The following TLR4 variants were observed in gnomAD, a reference collection of about 807,000 sequenced individuals.
TLR4 encodes the protein toll like receptor 4.
TLR4 carries 17 observed loss-of-function variants against 27.4 expected under a neutral mutation model. The observed-to-expected ratio is 0.62, with a 90% CI of 0.42 to 0.93. TLR4 has a LOEUF of 0.93. Ranked by LOEUF, TLR4 falls within the 40% of genes least tolerant of loss-of-function variation. The probability of loss-of-function intolerance (pLI) is 0.00; values close to 1 mark genes in which losing one functional copy is unlikely to be tolerated. For synonymous variants in TLR4, 363 were observed against 365.7 expected (o/e 0.99, Z 0.08); for missense variants, 926 against 962.3 (o/e 0.96, Z 0.50).
chr9:117,713,367 C>T lies in TLR4; in HGVS notation c.1239C>T (p.Thr413=). The change falls in exon 3 of 3, where the codon ACC becomes ACT. Residue 413 remains threonine, a synonymous_variant. Coordinates refer to ENST00000355622, the MANE Select transcript of TLR4 (RefSeq NM_138554.5). Reference sequence around the variant, plus strand: ...ATCTGAGCTTCAATGGTGTTATTACCATGAGTTCAAACTTCTTGGGCTTAG... The same window carrying T: ...ATCTGAGCTTCAATGGTGTTATTACTATGAGTTCAAACTTCTTGGGCTTAG... ...YLDLSFNGVI[T]MSSNFLGLEQ... is the part of the protein sequence containing the mutation. 4.3e-6 allele frequency: 7 copies of T among 1,614,042 alleles called. No homozygotes were observed. Among genetic ancestry groups the T allele is most frequent in the African/African-American group, 1.3e-5 (1 of 75,038 alleles).
rs1021610446 is a variant in TLR4, at chr9:117,714,589, T to C, written c.2461T>C (p.Trp821Arg). Residue 821 changes from tryptophan to arginine, a missense_variant, in exon 3 of 3, where the codon TGG becomes CGG. By Grantham distance (101) the Trp-to-Arg change is moderately radical (BLOSUM62 -3). Coordinates refer to ENST00000355622, the MANE Select transcript of TLR4 (RefSeq NM_138554.5). ...AAAAGCCCTGCTGGATGGTAAATCA[T>C]GGAATCCAGAAGGAACAGTGGGTAC... ...LRKALLDGKSWNPEGTVGTGC... is the reference protein window; with the variant it reads ...LRKALLDGKSRNPEGTVGTGC... 6.2e-7 allele frequency: 1 copy of C among 1,613,556 alleles called. No individual in the cohort carries two copies. Among genetic ancestry groups the C allele is most frequent in the African/African-American group, 1.3e-5 (1 of 74,886 alleles).
chr9:117,713,600 T>G lies in TLR4; in HGVS notation c.1472T>G (p.Ile491Ser). 6.2e-7 allele frequency: 1 copy of G among 1,614,090 alleles called. No individual in the cohort carries two copies. The highest frequency in any genetic ancestry group is 8.5e-7 in the Non-Finnish European group (1 of 1,180,014). The change falls in exon 3 of 3, where the codon ATC (isoleucine) becomes AGC (serine). Residue 491 changes from isoleucine to serine, a missense_variant. By Grantham distance (142) the Ile-to-Ser change is moderately radical. Transcript: ENST00000355622. ...NSFQENFLPD[I>S]FTELRNLTFL... is the part of the protein sequence containing the mutation. The stretch of plus-strand genomic sequence containing the variant: ...TTCCAGGAAAACTTCCTTCCAGATA[T>G]CTTCACAGAGCTGAGAAACTTGACC...
In TLR4 at chr9:117,712,536, A is replaced by G. The variant is rs1265700458; in HGVS notation, c.408A>G (p.Thr136=). 6.2e-7 allele frequency: 1 copy of G among 1,614,016 alleles called. No homozygotes were observed. The highest frequency in any genetic ancestry group is 1.1e-5 in the South Asian group (1 of 91,088). Residue 136 remains threonine, a synonymous_variant, in exon 3 of 3, where the codon ACA becomes ACG. Transcript: ENST00000355622. ...SSLQKLVAVE[T]NLASLENFPI... ...TACAGAAGCTGGTGGCTGTGGAGAC[A>G]AATCTAGCATCTCTAGAGAACTTCC...
In TLR4 at chr9:117,708,715, G is replaced by C. The variant is rs78293159; in HGVS notation, c.246G>C (p.Val82=). The C allele has an allele frequency of 6.8e-6, 11 of 1,613,834 alleles. No individual in the cohort carries two copies. The East Asian group carries it at 2.5e-4, about 36-fold the overall frequency. The change falls in exon 2 of 3, where the codon GTG becomes GTC. Residue 82 remains valine, a synonymous_variant. Coordinates refer to ENST00000355622, the MANE Select transcript of TLR4 (RefSeq NM_138554.5). The part of the protein sequence containing the change: ...YSFFSFPELQ[V]LDLSRCEIQT... ...TCTTCAGTTTCCCAGAACTGCAGGT[G>C]CTGGATTTATCCAGGTAATGAATCC... is the stretch of plus-strand genomic sequence containing the variant.
At chr9:117,706,655 A>G (rs1320417412) in intron 1 of TLR4, among the ~76,000 whole-genome samples, 1 of 152,164 alleles carries the variant, frequency 6.6e-6, no homozygotes, top group Non-Finnish European at 1.5e-5. Flanking sequence ...TCCTTAGGAC[A>G]TGTTTTTCTT....
chr9:117,714,090 C>A lies in TLR4; in HGVS notation c.1962C>A (p.Phe654Leu), dbSNP rs531681113. 1 of 1,614,012 alleles carries A rather than the reference C, an allele frequency of 6.2e-7. No individual in the cohort carries two copies. The highest frequency in any genetic ancestry group is 1.1e-5 in the South Asian group (1 of 91,070). The change falls in exon 3 of 3, where the codon TTC becomes TTA. Residue 654 changes from phenylalanine to leucine, a missense_variant. Coordinates refer to ENST00000355622, the MANE Select transcript of TLR4 (RefSeq NM_138554.5). Reference protein sequence around the residue: ...VSVVAVLVYKFYFHLMLLAGC... With the variant: ...VSVVAVLVYKLYFHLMLLAGC... ...TTGTAGCAGTTCTGGTCTATAAGTT[C>A]TATTTTCACCTGATGCTTCTTGCTG...
chr9:117,713,955 T>G lies in TLR4; in HGVS notation c.1827T>G (p.Cys609Trp), dbSNP rs1233324596. Reference protein sequence around the residue: ...QLLVEVERMECATPSDKQGMP... With the variant: ...QLLVEVERMEWATPSDKQGMP... ...TGGTGGAAGTTGAACGAATGGAATG[T>G]GCAACACCTTCAGATAAGCAGGGCA... The change falls in exon 3 of 3, where the codon TGT (cysteine) becomes TGG (tryptophan). Residue 609 changes from cysteine (C) to tryptophan (W), a missense_variant. Transcript: ENST00000355622. 1 of 1,613,956 alleles carries G rather than the reference T, an allele frequency of 6.2e-7. No homozygotes were observed. Among genetic ancestry groups the G allele is most frequent in the Non-Finnish European group, 8.5e-7 (1 of 1,180,014 alleles).
rs775401427 is a variant in TLR4, at chr9:117,708,614, C to T, written c.145C>T (p.Pro49Ser). ...CATGGAGCTGAATTTCTACAAAATCCCCGACAACCTCCCCTTCTCAACCAA... is the reference window on the plus strand; with the variant it reads ...CATGGAGCTGAATTTCTACAAAATCTCCGACAACCTCCCCTTCTCAACCAA... ...QCMELNFYKIPDNLPFSTKNL... is the reference protein window; with the variant it reads ...QCMELNFYKISDNLPFSTKNL... Residue 49 changes from proline (P) to serine (S), a missense_variant, in exon 2 of 3, where the codon CCC (proline) becomes TCC (serine). Pro to Ser is a moderately conservative substitution (Grantham distance 74). Coordinates refer to ENST00000355622, the MANE Select transcript of TLR4 (RefSeq NM_138554.5). 3.1e-6 allele frequency: 5 copies of T among 1,613,888 alleles called. No individual in the cohort carries two copies. Among genetic ancestry groups the T allele is most frequent in the Non-Finnish European group, 4.2e-6 (5 of 1,179,850 alleles).
chr9:117,709,483 T>A (rs1285125178), intron 2 of TLR4, among the ~76,000 whole-genome samples: 1 of 152,144 alleles, frequency 6.6e-6, no homozygotes, highest in Non-Finnish European at 1.5e-5. Context: ...AAGATTTTCT[T>A]TTCTGATGCA....
At chr9:117,708,320 T>G in intron 1 of TLR4, 2 of 1,296,070 alleles carry the variant, frequency 1.5e-6, no homozygotes, top group Non-Finnish European at 2.0e-6. Flanking sequence ...ATCACGGAGG[T>G]TAGAATGCTG....
Position 117,714,652 on chromosome 9 carries a change from G to A in TLR4, c.*4G>A, listed in dbSNP as rs1046831498. 6.2e-7 allele frequency: 1 copy of A among 1,611,904 alleles called. No homozygotes were observed. Among genetic ancestry groups the A allele is most frequent in the Non-Finnish European group, 8.5e-7 (1 of 1,179,740 alleles). On this transcript the variant is annotated 3_prime_UTR_variant, in exon 3 of 3. Transcript: ENST00000355622. ...GCAGGAAGCAACATCTATCTGAAGA[G>A]GAAAAATAAAAACCTCCTGAGGCAT...
chr9:117,705,304 G>C (rs373126692), intron 1 of TLR4, among the ~76,000 whole-genome samples: 37 of 152,248 alleles, frequency 2.4e-4, no homozygotes, highest in African/African-American at 8.9e-4. Context: ...GAGCCGAACA[G>C]CTAAGAAAAT....
At chr9:117,706,686 C>T (rs1396668260) in intron 1 of TLR4, among the ~76,000 whole-genome samples, 1 of 152,186 alleles carries the variant, frequency 6.6e-6, no homozygotes, top group Non-Finnish European at 1.5e-5. Context: ...CATATCTAAA[C>T]CTTACTCATC....
In TLR4 at chr9:117,717,047, A is replaced by G. The variant is rs1461779072; in HGVS notation, c.*2399A>G. Reference sequence around the variant, plus strand: ...TGTTTCCATGTCTCATGTACTAGTGAAAGTAGATGTGTGCATTTGTGCACA... The same window carrying G: ...TGTTTCCATGTCTCATGTACTAGTGGAAGTAGATGTGTGCATTTGTGCACA... On this transcript the variant is annotated 3_prime_UTR_variant, in exon 3 of 3. Transcript: ENST00000355622. The G allele has an allele frequency of 6.6e-6, 1 of 152,176 alleles. No individual in the cohort carries two copies. The highest frequency in any genetic ancestry group is 1.5e-5 in the Non-Finnish European group (1 of 68,030). 9.4% of individuals were successfully genotyped at this position (152,176 alleles called of 1,614,324 possible). A position where few individuals can be genotyped will look rare whatever the true frequency, so the allele number is the denominator to read the frequency against.
At chr9:117,705,546 A>G (rs1233492381) in intron 1 of TLR4, among the ~76,000 whole-genome samples, 1 of 152,140 alleles carries the variant, frequency 6.6e-6, no homozygotes, top group African/African-American at 2.4e-5. Flanking sequence ...ACTGCGAGAT[A>G]AAACCACAGC....
At chr9:117,705,264 A>G (rs1213348818) in intron 1 of TLR4, among the ~76,000 whole-genome samples, 1 of 152,158 alleles carries the variant, frequency 6.6e-6, no homozygotes, top group African/African-American at 2.4e-5. Context: ...CCCTGCGCAG[A>G]CTTCACAGTT....
rs897794510 is a variant in TLR4 at position 117,712,748 on chromosome 9, C to G, written c.620C>G (p.Ser207Cys). 1 of 1,613,934 alleles carries G rather than the reference C, an allele frequency of 6.2e-7. No homozygotes were observed. Among genetic ancestry groups the G allele is most frequent in the African/African-American group, 1.3e-5 (1 of 74,922 alleles). ...VLHQMPLLNLSLDLSLNPMNF... is the reference protein window; with the variant it reads ...VLHQMPLLNLCLDLSLNPMNF... Reference sequence around the variant, plus strand: ...CATCAAATGCCCCTACTCAATCTCTCTTTAGACCTGTCCCTGAACCCTATG... The same window carrying G: ...CATCAAATGCCCCTACTCAATCTCTGTTTAGACCTGTCCCTGAACCCTATG... The change falls in exon 3 of 3, where the codon TCT (serine) becomes TGT (cysteine). Residue 207 changes from serine (S) to cysteine (C), a missense_variant. Ser to Cys is a moderately radical substitution (Grantham distance 112). Coordinates refer to ENST00000355622, the MANE Select transcript of TLR4 (RefSeq NM_138554.5).
chr9:117,721,452 A>G lies in TLR4; in HGVS notation c.*6804A>G, dbSNP rs1829421992. The G allele has an allele frequency of 6.6e-6, 1 of 152,212 alleles. No homozygotes were observed. The highest frequency in any genetic ancestry group is 2.4e-5 in the African/African-American group (1 of 41,458). 9.4% of individuals were successfully genotyped at this position (152,212 alleles called of 1,614,324 possible). The stretch of plus-strand genomic sequence containing the variant: ...GCCTCTTTTTGCAAACTTCATTTTG[A>G]CAAAGAATTCCAGGCAGTCTACAGC... On this transcript the variant is annotated 3_prime_UTR_variant, in exon 3 of 3. Transcript: ENST00000355622.
At position 117,713,108 on chromosome 9, in the gene TLR4, C is replaced by G; in HGVS notation, c.980C>G (p.Ser327Cys). Reference sequence around the variant, plus strand: ...ACTATTGAAAGGGTAAAAGACTTTTCTTATAATTTCGGATGGCAACATTTA... The same window carrying G: ...ACTATTGAAAGGGTAAAAGACTTTTGTTATAATTTCGGATGGCAACATTTA... ...SVTIERVKDF[S>C]YNFGWQHLEL... The change falls in exon 3 of 3, where the codon TCT (serine) becomes TGT (cysteine). Residue 327 changes from serine (S) to cysteine (C), a missense_variant. Ser to Cys is a moderately radical substitution (Grantham distance 112). Coordinates refer to ENST00000355622, the MANE Select transcript of TLR4 (RefSeq NM_138554.5). 1 of 1,612,164 alleles carries G rather than the reference C, an allele frequency of 6.2e-7. No homozygotes were observed. Among genetic ancestry groups the G allele is most frequent in the Non-Finnish European group, 8.5e-7 (1 of 1,178,788 alleles).
Sources: gnomAD v4.1 joint callset for allele counts (sites outside exome capture counted in the v4.1 genomes callset) on GRCh38, gnomAD v4.1.1 for gene constraint, MANE v1.5 for transcripts, NCBI Gene and HGNC (gene_info 2026-07-23, HGNC 2026-07-21) for gene names.